CTDSPL2: variants seen among roughly 807,000 people sequenced by gnomAD.
The protein encoded by CTDSPL2 is CTD small phosphatase like 2, also known as CTD small phosphatase-like protein 2.
A neutral mutation model predicts 60.0 loss-of-function variants in CTDSPL2; 5 were observed. That is an observed-to-expected ratio of 0.08 (90% CI 0.04 to 0.18). The LOEUF (loss-of-function observed/expected upper bound fraction) is 0.18, where lower values mean the gene tolerates loss of function less well. Ranked by LOEUF, CTDSPL2 falls within the 10% of genes least tolerant of loss-of-function variation. The probability of loss-of-function intolerance (pLI) is 1.00; values close to 1 mark genes in which losing one functional copy is unlikely to be tolerated. For synonymous variants in CTDSPL2, 186 were observed against 189.3 expected (o/e 0.98, Z 0.14); for missense variants, 370 against 548.8 (o/e 0.67, Z 3.26).
chr15:44,484,147 T>C, intron 2 of CTDSPL2, 77 bp from the exon 3 acceptor site: 3 of 1,306,810 alleles, frequency 2.3e-6, no homozygotes, highest in Non-Finnish European at 2.1e-6. Flanking sequence ...TTATACCGTA[T>C]TTTTTCATTT....
intron 4 of CTDSPL2, among the ~76,000 whole-genome samples, chr15:44,487,279 C>T (rs2081137751): frequency 6.6e-6 from 1 of 151,970 alleles, no homozygotes; most frequent in Non-Finnish European, 1.5e-5. Context: ...CATAGTGAGA[C>T]CCTGTCTCTA....
rs186286172 is a variant in CTDSPL2 at position 44,456,129 on chromosome 15, C to T, written c.-24-2862C>T. ...CCTCCCAAAGTGCTGGGATTACAGG[C>T]GTGAGCCACCGCGCCCGGCCTTTAT... On this transcript the variant is annotated intron_variant, in intron 1 of 12. Coordinates refer to ENST00000260327, the MANE Select transcript of CTDSPL2 (RefSeq NM_016396.3). Among the ~76,000 whole-genome samples, 10 of 152,214 alleles carry T rather than the reference C, an allele frequency of 6.6e-5. No individual in the cohort carries two copies. The East Asian group carries it at 1.7e-3, about 26-fold the overall frequency.
intron 1 of CTDSPL2, among the ~76,000 whole-genome samples, chr15:44,457,322 T>A (rs1421673006): frequency 1.3e-5 from 2 of 152,238 alleles, no homozygotes; most frequent in Non-Finnish European, 2.9e-5. Context: ...ATCTTCTGGA[T>A]AACTTGCCTC....
chr15:44,439,174 A>C (rs2080033634), intron 1 of CTDSPL2, among the ~76,000 whole-genome samples: 1 of 151,522 alleles, frequency 6.6e-6, no homozygotes, highest in Admixed American at 6.6e-5. Flanking sequence ...TTTAAGATAG[A>C]GTCTCGCTCT....
chr15:44,496,183 T>C (rs2081297290), intron 5 of CTDSPL2, among the ~76,000 whole-genome samples, 197 bp from the exon 6 acceptor site: 1 of 152,220 alleles, frequency 6.6e-6, no homozygotes, highest in African/African-American at 2.4e-5. Context: ...TTGCCATTTT[T>C]TCTATAGTGG....
At chr15:44,477,962 AT>A (rs1251300412) in intron 2 of CTDSPL2, among the ~76,000 whole-genome samples, 1 of 152,096 alleles carries the variant, frequency 6.6e-6, no homozygotes, top group African/African-American at 2.4e-5. Flanking sequence ...GCAGAACTTT[AT>A]TTAGTATGTG....
chr15:44,493,083 C>G (rs954259202), intron 5 of CTDSPL2, among the ~76,000 whole-genome samples: 3 of 151,840 alleles, frequency 2.0e-5, no homozygotes, highest in Admixed American at 1.3e-4. Flanking sequence ...TTTATGAGCA[C>G]CTTTTTTTTT....
At chr15:44,487,478 T>G (rs985364428) in intron 4 of CTDSPL2, among the ~76,000 whole-genome samples, 2 of 151,410 alleles carry the variant, frequency 1.3e-5, no homozygotes, top group Non-Finnish European at 2.9e-5. Flanking sequence ...TAAAAAAAAA[T>G]AAAAAGAATG....
intron 1 of CTDSPL2, among the ~76,000 whole-genome samples, chr15:44,450,834 A>T (rs985576101): frequency 1.3e-5 from 2 of 151,814 alleles, no homozygotes; most frequent in African/African-American, 4.8e-5. Context: ...CTGACCTGAG[A>T]TGATCTGCCT....
chr15:44,490,755 G>T (rs1384361648), intron 4 of CTDSPL2, 29 bp from the exon 5 acceptor site: 3 of 1,559,278 alleles, frequency 1.9e-6, no homozygotes, highest in South Asian at 1.1e-5. Context: ...ATTTTTAAAT[G>T]ATGATAGTAC....
At chr15:44,494,934 A>G (rs1241553703) in intron 5 of CTDSPL2, among the ~76,000 whole-genome samples, 1 of 152,132 alleles carries the variant, frequency 6.6e-6, no homozygotes, top group Non-Finnish European at 1.5e-5. Flanking sequence ...CAAACAAAGA[A>G]AAAAACAGAA....
intron 2 of CTDSPL2, among the ~76,000 whole-genome samples, chr15:44,481,060 G>A (rs1338187006): frequency 6.6e-6 from 1 of 152,108 alleles, no homozygotes; most frequent in Non-Finnish European, 1.5e-5. Context: ...ATCAGGCTGG[G>A]CACCATGGCT....
intron 10 of CTDSPL2, chr15:44,516,801 G>T (rs1263237055): frequency 1.3e-5 from 2 of 152,088 alleles, no homozygotes; most frequent in East Asian, 3.9e-4. Context: ...GTTCTATCTA[G>T]ATGTATTTTG....
chr15:44,484,325 G>C lies in CTDSPL2; in HGVS notation c.288G>C (p.Gln96His). The change falls in exon 3 of 13, where the codon CAG becomes CAC. Residue 96 changes from glutamine (Q) to histidine (H), a missense_variant. Transcript: ENST00000260327. Reference protein sequence around the residue: ...TPRAGEKPNKQISRVRRKSQV... With the variant: ...TPRAGEKPNKHISRVRRKSQV... ...GAGCAGGAGAAAAACCTAACAAACA[G>C]ATATCTCGAGTAAGACGGAAAAGTC... 2 of 1,613,720 alleles carry C rather than the reference G, an allele frequency of 1.2e-6. No homozygotes were observed. Among genetic ancestry groups the C allele is most frequent in the Non-Finnish European group, 1.7e-6 (2 of 1,179,748 alleles).
chr15:44,491,495 G>A (rs1030817493), intron 5 of CTDSPL2, among the ~76,000 whole-genome samples: 5 of 152,070 alleles, frequency 3.3e-5, no homozygotes, highest in East Asian at 1.9e-4. Flanking sequence ...ATTGGGTTTC[G>A]GAGCCATTTG....
chr15:44,519,257 A>G lies in CTDSPL2; in HGVS notation c.1201A>G (p.Ile401Val), dbSNP rs1333652460. 1.3e-6 allele frequency: 2 copies of G among 1,560,090 alleles called. No individual in the cohort carries two copies. Among genetic ancestry groups the G allele is most frequent in the Non-Finnish European group, 1.7e-6 (2 of 1,160,994 alleles). Reference protein sequence around the residue: ...NILGRDLSKTIIIDNSPQAFA... With the variant: ...NILGRDLSKTVIIDNSPQAFA... Reference sequence around the variant, plus strand: ...TCTTGGAAGAGATCTTTCAAAAACTATAATAATTGACAACTCACCACAAGC... The same window carrying G: ...TCTTGGAAGAGATCTTTCAAAAACTGTAATAATTGACAACTCACCACAAGC... The change falls in exon 11 of 13, where the codon ATA becomes GTA. Residue 401 changes from isoleucine to valine, a missense_variant. Ile to Val is a conservative substitution (Grantham distance 29). This residue lies in a region of CTDSPL2 where 46 missense variants were observed against 126.0 expected (regional missense o/e 0.37). Transcript: ENST00000260327.
At chr15:44,443,966 A>G (rs758734477) in intron 1 of CTDSPL2, among the ~76,000 whole-genome samples, 1 of 152,008 alleles carries the variant, frequency 6.6e-6, no homozygotes, top group African/African-American at 2.4e-5. Flanking sequence ...GTAGTGGTGC[A>G]CTTGTAGCTC....
At chr15:44,449,747 T>G (rs1008215508) in intron 1 of CTDSPL2, among the ~76,000 whole-genome samples, 1 of 151,950 alleles carries the variant, frequency 6.6e-6, no homozygotes, top group Non-Finnish European at 1.5e-5. Context: ...CCCAGCACTT[T>G]GGGAGGCTGA....
chr15:44,509,987 C>G (rs1056637305), intron 8 of CTDSPL2, among the ~76,000 whole-genome samples: 3 of 151,286 alleles, frequency 2.0e-5, no homozygotes, highest in Admixed American at 6.6e-5. Context: ...AATCAGTTCA[C>G]AACACCTTTT....
Sources: allele counts gnomAD v4.1 joint callset (sites outside exome capture counted in the v4.1 genomes callset), GRCh38; gene constraint gnomAD v4.1.1; regional missense constraint gnomAD v4.1.1; transcripts MANE v1.5; gene names NCBI Gene and HGNC (gene_info 2026-07-23, HGNC 2026-07-21).